The following PCDHA11 variants were observed in gnomAD, a reference collection of about 807,000 sequenced individuals.
The protein encoded by PCDHA11 is protocadherin alpha 11, also known as protocadherin alpha-11.
In PCDHA11, 61 loss-of-function variants were observed where a neutral mutation model predicts 70.3. That is an observed-to-expected ratio of 0.87 (90% confidence interval 0.71 to 1.07). The LOEUF is 1.07. Among genes scored for constraint, PCDHA11 ranks in the 50% least tolerant of loss-of-function variants. The probability of loss-of-function intolerance (pLI) is 0.00; values close to 1 mark genes in which losing one functional copy is unlikely to be tolerated. For missense variants in PCDHA11, 1,324 were observed against 1,237.5 expected, an observed-to-expected ratio of 1.07 and a Z score of -1.05; for synonymous variants, 633 against 555.1, an observed-to-expected ratio of 1.14 and a Z score of -1.97.
chr5:140,903,121 C>A (rs2070010801), intron 1 of PCDHA11, among the ~76,000 whole-genome samples: 2 of 152,188 alleles, frequency 1.3e-5, no homozygotes, highest in Non-Finnish European at 2.9e-5. Flanking sequence ...ACTTCTAAAT[C>A]TTTAAGAAAT....
At position 140,877,303 on chromosome 5, in the gene PCDHA11, T is replaced by C. The variant is rs566187421; in HGVS notation, c.2391+5809T>C. 3.5e-4 allele frequency: 564 copies of C among 1,613,850 alleles called. 6 individuals are homozygous for C. In the South Asian group the frequency reaches 5.9e-3, roughly 17 times the overall value. On this transcript the variant is annotated intron_variant, in intron 1 of 3. Transcript: ENST00000398640. ...CTATAACGCTTGGCTGTCCTACGAGTTGCAACCGGCGGCGGTCGGCGCGCA... is the reference window on the plus strand; with the variant it reads ...CTATAACGCTTGGCTGTCCTACGAGCTGCAACCGGCGGCGGTCGGCGCGCA...
intron 1 of PCDHA11, among the ~76,000 whole-genome samples, chr5:140,891,064 A>T (rs1442139760): frequency 6.6e-6 from 1 of 152,206 alleles, no homozygotes; most frequent in East Asian, 1.9e-4. Flanking sequence ...AGTAAATATT[A>T]TTCCAGTGTC....
intron 1 of PCDHA11, chr5:140,967,972 G>C: frequency 1.2e-6 from 2 of 1,614,190 alleles, no homozygotes; most frequent in Non-Finnish European, 1.7e-6. Flanking sequence ...AAGTGAGCCT[G>C]GGTCTGGAGG....
rs73793507 is a variant in PCDHA11 at position 140,869,430 on chromosome 5, C to T, written c.327C>T (p.Ile109=). 3 of 1,614,154 alleles carry T rather than the reference C, an allele frequency of 1.9e-6. No individual in the cohort carries two copies. Among genetic ancestry groups the T allele is most frequent in the South Asian group, 2.2e-5 (2 of 91,088 alleles). Residue 109 remains isoleucine, a synonymous_variant, in exon 1 of 4, where the codon ATC becomes ATT. Coordinates refer to ENST00000398640, the MANE Select transcript of PCDHA11 (RefSeq NM_018902.5). ...SAECSIHLEV[I]VDRPLQVFHV... is the part of the protein sequence containing the mutation. ...AGTGCAGCATCCACCTGGAGGTGAT[C>T]GTGGACAGGCCGCTGCAGGTTTTCC...
intron 1 of PCDHA11, among the ~76,000 whole-genome samples, chr5:140,922,833 T>C (rs1443634582): frequency 6.6e-6 from 1 of 152,332 alleles, no homozygotes; most frequent in Admixed American, 6.5e-5. Flanking sequence ...TGCTAATAGA[T>C]GTCCTCAAAG....
At chr5:141,005,285 A>T (rs1285354488) in intron 3 of PCDHA11, among the ~76,000 whole-genome samples, 1 of 152,218 alleles carries the variant, frequency 6.6e-6, no homozygotes, top group Non-Finnish European at 1.5e-5. Context: ...ATAAACAGAT[A>T]CATTTTTTGC....
intron 1 of PCDHA11, among the ~76,000 whole-genome samples, chr5:140,872,762 G>A (rs545441914): frequency 6.6e-6 from 1 of 152,066 alleles, no homozygotes; most frequent in African/African-American, 2.4e-5. Flanking sequence ...ATGCATATAG[G>A]GCTATATTAT....
At chr5:140,896,022 GC>G (rs2065315462) in intron 1 of PCDHA11, among the ~76,000 whole-genome samples, 3 of 152,138 alleles carry the variant, frequency 2.0e-5, no homozygotes, top group Admixed American at 1.3e-4. Context: ...TGTTGGCCAG[GC>G]TGGTCTCGAA....
chr5:141,010,201 C>G lies in PCDHA11; in HGVS notation c.*264C>G, dbSNP rs782495760. On this transcript the variant is annotated 3_prime_UTR_variant, in exon 4 of 4. Coordinates refer to ENST00000398640, the MANE Select transcript of PCDHA11 (RefSeq NM_018902.5). ...GCAGACCCAAGTTTCCTTTCTCCTC[C>G]GCCGCAAAGGAGAGGCTTCCCAGCC... 9.0e-6 allele frequency: 14 copies of G among 1,551,916 alleles called. No homozygotes were observed. Among genetic ancestry groups the G allele is most frequent in the Non-Finnish European group, 1.0e-5 (12 of 1,147,084 alleles).
intron 1 of PCDHA11, among the ~76,000 whole-genome samples, chr5:140,945,698 T>C (rs530742031): frequency 3.9e-5 from 6 of 152,046 alleles, no homozygotes; most frequent in Non-Finnish European, 8.8e-5. Flanking sequence ...GTCCACTGAT[T>C]TGCAACAAAA....
At chr5:140,936,184 C>T (rs572832347) in intron 1 of PCDHA11, among the ~76,000 whole-genome samples, 4 of 152,308 alleles carry the variant, frequency 2.6e-5, no homozygotes, top group African/African-American at 4.8e-5. Context: ...TAAACCACCA[C>T]GCCCAGCCAA....
chr5:140,875,987 T>C, intron 1 of PCDHA11: 1 of 1,614,032 alleles, frequency 6.2e-7, no homozygotes, highest in Non-Finnish European at 8.5e-7. Flanking sequence ...ACCTATGCGT[T>C]AAGTCTAAAT....
chr5:140,928,226 T>G, intron 1 of PCDHA11: 1 of 1,614,178 alleles, frequency 6.2e-7, no homozygotes, highest in African/African-American at 1.3e-5. Context: ...ACACCAAACT[T>G]TCCTCAACCC....
At chr5:140,884,206 C>T (rs1554181328) in intron 1 of PCDHA11, 1 of 1,613,542 alleles carries the variant, frequency 6.2e-7, no homozygotes, top group Admixed American at 1.7e-5. Context: ...CGCACCACCG[C>T]CTTCTGGTGC....
At chr5:140,972,344 C>T (rs1379310170) in intron 1 of PCDHA11, among the ~76,000 whole-genome samples, 26 of 151,148 alleles carry the variant, frequency 1.7e-4, no homozygotes, top group African/African-American at 6.3e-4. Context: ...AGATGGGGGT[C>T]TCACTATGTT....
At chr5:140,955,720 T>C (rs921545021) in intron 1 of PCDHA11, among the ~76,000 whole-genome samples, 7 of 152,354 alleles carry the variant, frequency 4.6e-5, no homozygotes, top group East Asian at 1.9e-4. Flanking sequence ...AGGAATACCA[T>C]TGAATCTATA....
intron 1 of PCDHA11, among the ~76,000 whole-genome samples, chr5:140,904,496 A>G (rs1174844806): frequency 1.3e-5 from 2 of 151,832 alleles, no homozygotes; most frequent in Non-Finnish European, 2.9e-5. Context: ...CCAAATTTTT[A>G]CAATTGTGAA....
At chr5:140,895,892 A>G (rs1554186717) in intron 1 of PCDHA11, among the ~76,000 whole-genome samples, 1 of 152,080 alleles carries the variant, frequency 6.6e-6, no homozygotes, top group East Asian at 1.9e-4. Flanking sequence ...GCTCACTGCA[A>G]CCTCCGCGTC....
chr5:140,870,256 A>G lies in PCDHA11; in HGVS notation c.1153A>G (p.Thr385Ala). The change falls in exon 1 of 4, where the codon ACC becomes GCC. Residue 385 changes from threonine to alanine, a missense_variant. Thr to Ala is a moderately conservative substitution (Grantham distance 58). Coordinates refer to ENST00000398640, the MANE Select transcript of PCDHA11 (RefSeq NM_018902.5). ...TGACTCAGGTGTCAACGGACAGGTG[A>G]CCTGCTCGCTGACGCCCCACGTTCC... Reference protein sequence around the residue: ...DRDSGVNGQVTCSLTPHVPFK... With the variant: ...DRDSGVNGQVACSLTPHVPFK... 6.2e-7 allele frequency: 1 copy of G among 1,614,168 alleles called. No homozygotes were observed. Among genetic ancestry groups the G allele is most frequent in the Non-Finnish European group, 8.5e-7 (1 of 1,180,018 alleles).
Sources: allele counts gnomAD v4.1 joint callset (sites outside exome capture counted in the v4.1 genomes callset), GRCh38; gene constraint gnomAD v4.1.1; transcripts MANE v1.5; gene names NCBI Gene and HGNC (gene_info 2026-07-23, HGNC 2026-07-21).